The following HYAL2 variants were observed in gnomAD, a reference collection of about 807,000 sequenced individuals.
HYAL2 encodes the protein hyaluronidase-2.
Under a neutral mutation model 35.4 loss-of-function variants are expected in HYAL2, and 30 were observed. The observed-to-expected ratio is 0.85, with a 90% CI of 0.63 to 1.15. HYAL2 has a LOEUF of 1.15. Among genes scored for constraint, HYAL2 ranks in the 50% most tolerant of loss-of-function variants. The pLI is 0.00. For synonymous variants in HYAL2, 262 were observed against 252.8 expected, an observed-to-expected ratio of 1.04 and a Z score of -0.34; for missense variants, 635 against 646.5, an observed-to-expected ratio of 0.98 and a Z score of 0.19.
rs201365993 is a variant in HYAL2 at position 50,320,269 on chromosome 3, T to C, written c.221A>G (p.Asn74Ser). The C allele has an allele frequency of 6.2e-7, 1 of 1,614,068 alleles. No homozygotes were observed. Among genetic ancestry groups the C allele is most frequent in the Non-Finnish European group, 8.5e-7 (1 of 1,180,026 alleles). The change falls in exon 2 of 4, where the codon AAT becomes AGT. Residue 74 changes from asparagine to serine, a missense_variant. Coordinates refer to ENST00000357750, the MANE Select transcript of HYAL2 (RefSeq NM_003773.5). This position sits in a 1 kb window ranked among gnomAD's most constrained non-coding sequence, Gnocchi z 4.8. ...ASPNEGFVNQ[N>S]ITIFYRDRLG... is the part of the protein sequence containing the mutation. ...ACGGTCGCGGTAGAAGATGGTAATA[T>C]TCTGGTTCACAAAACCCTCATTAGG...
rs1702595837 is a variant in HYAL2, at chr3:50,318,096, G to A, written c.*33C>T. The A allele has an allele frequency of 6.5e-7, 1 of 1,530,692 alleles. No homozygotes were observed. The highest frequency in any genetic ancestry group is 8.8e-7 in the Non-Finnish European group (1 of 1,138,358). The allele number at this position is 1,530,692 out of a possible 1,614,324, so 94.8% of individuals were successfully genotyped here. ...TGCCTAAGAGAGCCCTTGTGGTAGA[G>A]GCCAGCTTGCTAGGCAGCTAGGCAG... On this transcript the variant is annotated 3_prime_UTR_variant, in exon 4 of 4. Coordinates refer to ENST00000357750, the MANE Select transcript of HYAL2 (RefSeq NM_003773.5). The surrounding 1 kb of genome is among the most constrained non-coding windows in gnomAD (Gnocchi z 4.5).
In HYAL2 at chr3:50,319,554, C is replaced by G; in HGVS notation, c.921+15G>C. 6.3e-7 allele frequency: 1 copy of G among 1,598,370 alleles called. No individual in the cohort carries two copies. ...CAAGGAAGGAGAAAAAAGGCAGGGCCCTGGAGACACATACCTCACTAAGCC... is the reference window on the plus strand; with the variant it reads ...CAAGGAAGGAGAAAAAAGGCAGGGCGCTGGAGACACATACCTCACTAAGCC... On this transcript the variant is annotated intron_variant, in intron 2 of 3. Transcript: ENST00000357750.
chr3:50,318,892 G>A lies in HYAL2; in HGVS notation c.1011+64C>T. 1 of 1,424,964 alleles carries A rather than the reference G, an allele frequency of 7.0e-7. No homozygotes were observed. The highest frequency in any genetic ancestry group is 2.3e-5 in the East Asian group (1 of 43,770). 88.3% of individuals were successfully genotyped at this position (1,424,964 alleles called of 1,614,324 possible). The stretch of plus-strand genomic sequence containing the variant: ...TAGGATTGCCCACCTGAGGTTGGTA[G>A]CCAAAGGCCCTAACTCTCTGTCTGT... On this transcript the variant is annotated intron_variant, in intron 3 of 3. Coordinates refer to ENST00000357750, the MANE Select transcript of HYAL2 (RefSeq NM_003773.5). This position sits in a 1 kb window ranked among gnomAD's most constrained non-coding sequence, Gnocchi z 4.5.
Position 50,319,803 on chromosome 3 carries a change from A to G in HYAL2, c.687T>C (p.Asp229=), listed in dbSNP as rs1198761381. Residue 229 remains aspartate, a synonymous_variant, in exon 2 of 4, where the codon GAT becomes GAC. Transcript: ENST00000357750. The part of the protein sequence containing the change: ...NWESYTGRCP[D]VEVARNDQLA... ...GCTGGTCATTGCGGGCCACCTCAAC[A>G]TCAGGGCAGCGGCCTGTGTAGCTCT... 1 of 1,613,812 alleles carries G rather than the reference A, an allele frequency of 6.2e-7. No individual in the cohort carries two copies. Among genetic ancestry groups the G allele is most frequent in the Non-Finnish European group, 8.5e-7 (1 of 1,180,030 alleles).
rs200925068 is a variant in HYAL2 at position 50,318,080 on chromosome 3, G to C, written c.*49C>G. On this transcript the variant is annotated 3_prime_UTR_variant, in exon 4 of 4. Transcript: ENST00000357750. The surrounding 1 kb of genome is among the most constrained non-coding windows in gnomAD (Gnocchi z 4.5). The stretch of plus-strand genomic sequence containing the variant: ...CCTGCAGGGTCCTACATGCCTAAGA[G>C]AGCCCTTGTGGTAGAGGCCAGCTTG... The C allele has an allele frequency of 3.9e-6, 6 of 1,519,064 alleles. No homozygotes were observed. Among genetic ancestry groups the C allele is most frequent in the Non-Finnish European group, 5.3e-6 (6 of 1,132,872 alleles). 94.1% of individuals were successfully genotyped at this position (1,519,064 alleles called of 1,614,324 possible).
At chr3:50,319,431 G>A (rs782571151) in intron 2 of HYAL2, 138 bp downstream of exon 2, 139 of 749,080 alleles carry the variant, frequency 1.9e-4, no homozygotes, top group Non-Finnish European at 1.5e-4. Flanking sequence ...ACCCTTTCAG[G>A]TTATAGACAG....
chr3:50,318,349 G>A lies in HYAL2; in HGVS notation c.1202C>T (p.Ala401Val). The change falls in exon 4 of 4, where the codon GCA becomes GTA. Residue 401 changes from alanine (A) to valine (V), a missense_variant. By Grantham distance (64) the Ala-to-Val change is moderately conservative (BLOSUM62 0). Transcript: ENST00000357750. The surrounding 1 kb of genome is among the most constrained non-coding windows in gnomAD (Gnocchi z 4.5). ...TNSFRLVPGHAPGEPQLRPVG... is the reference protein window; with the variant it reads ...TNSFRLVPGHVPGEPQLRPVG... ...AGGTCGCAGCTGGGGTTCACCAGGT[G>A]CATGGCCAGGCACTAGGCGGAAACT... is the stretch of plus-strand genomic sequence containing the variant. 1.2e-6 allele frequency: 2 copies of A among 1,613,476 alleles called. No homozygotes were observed. The highest frequency in any genetic ancestry group is 1.1e-5 in the South Asian group (1 of 91,086).
At chr3:50,319,111 A>G in intron 2 of HYAL2, 66 bp from the exon 3 acceptor site, 1 of 1,181,236 alleles carries the variant, frequency 8.5e-7, no homozygotes, top group Non-Finnish European at 1.2e-6. Context: ...ACAGACAAGG[A>G]GGGCAGACCC....
chr3:50,319,872 G>A lies in HYAL2; in HGVS notation c.618C>T (p.Tyr206=). ...CATGATTGTAGCAGTCAGGAAAGAG[G>A]TAGAAGCCCCAGAGGTGCCGGGGCC... ...AVRPRHLWGF[Y]LFPDCYNHDY... The change falls in exon 2 of 4, where the codon TAC becomes TAT. Residue 206 remains tyrosine, a synonymous_variant. Coordinates refer to ENST00000357750, the MANE Select transcript of HYAL2 (RefSeq NM_003773.5). 4.3e-6 allele frequency: 7 copies of A among 1,613,690 alleles called. No homozygotes were observed. The Admixed American group carries it at 5.0e-5, about 12-fold the overall frequency.
Position 50,320,090 on chromosome 3 carries a change from A to T in HYAL2, c.400T>A (p.Trp134Arg). ...QESAGLAVIDWEDWRPVWVRN... is the reference protein window; with the variant it reads ...QESAGLAVIDREDWRPVWVRN... ...ACCCACACAGGTCGCCAGTCCTCCC[A>T]GTCGATGACCGCCAGCCCCGCAGAC... Residue 134 changes from tryptophan (W) to arginine (R), a missense_variant, in exon 2 of 4, where the codon TGG becomes AGG. Transcript: ENST00000357750. The surrounding 1 kb of genome is among the most constrained non-coding windows in gnomAD (Gnocchi z 4.8). 6.2e-7 allele frequency: 1 copy of T among 1,613,690 alleles called. No individual in the cohort carries two copies. Among genetic ancestry groups the T allele is most frequent in the Non-Finnish European group, 8.5e-7 (1 of 1,180,032 alleles).
At position 50,322,674 on chromosome 3, in the gene HYAL2, C is replaced by T. The variant is rs1553716908; in HGVS notation, c.-68G>A. 1 of 152,252 alleles carries T rather than the reference C, an allele frequency of 6.6e-6. No homozygotes were observed. Among genetic ancestry groups the T allele is most frequent in the African/African-American group, 2.4e-5 (1 of 41,460 alleles). 9.4% of individuals were successfully genotyped at this position (152,252 alleles called of 1,614,324 possible). A position where few individuals can be genotyped will look rare whatever the true frequency, so the allele number is the denominator to read the frequency against. Reference sequence around the variant, plus strand: ...TCACCTGTGTGGGAGTCCGTCGGCCCAGTAGGTCGGTGGCCTCCCTCCTTC... The same window carrying T: ...TCACCTGTGTGGGAGTCCGTCGGCCTAGTAGGTCGGTGGCCTCCCTCCTTC... On this transcript the variant is annotated 5_prime_UTR_variant, in exon 1 of 4. Transcript: ENST00000357750. The surrounding 1 kb of genome is among the most constrained non-coding windows in gnomAD (Gnocchi z 5.5).
rs1553716182 is a variant in HYAL2, at chr3:50,319,692, G to A, written c.798C>T (p.Asn266=). The A allele has an allele frequency of 6.2e-7, 1 of 1,613,958 alleles. No individual in the cohort carries two copies. The highest frequency in any genetic ancestry group is 1.7e-5 in the Admixed American group (1 of 60,026). Residue 266 remains asparagine, a synonymous_variant, in exon 2 of 4, where the codon AAC becomes AAT. Coordinates refer to ENST00000357750, the MANE Select transcript of HYAL2 (RefSeq NM_003773.5). ...CCTCCTGAACACGGAAGCTCACAAA[G>A]TTGCGGCCATGGCGGGAGGAAGCAA... ...ETLASSRHGR[N]FVSFRVQEAL... is the part of the protein sequence containing the mutation.
chr3:50,319,463 G>T, intron 2 of HYAL2, 106 bp downstream of exon 2: 1 of 939,596 alleles, frequency 1.1e-6, no homozygotes, highest in Non-Finnish European at 1.6e-6. Context: ...GGGATGTGGA[G>T]CAGCCAATAA....
At position 50,318,734 on chromosome 3, in the gene HYAL2, G is replaced by T; in HGVS notation, c.1012-195C>A. Reference sequence around the variant, plus strand: ...GGGGGTACAGACCGGAACCCAGTTGGGCAGATGGGGAAGGGCGGAACTCAA... The same window carrying T: ...GGGGGTACAGACCGGAACCCAGTTGTGCAGATGGGGAAGGGCGGAACTCAA... On this transcript the variant is annotated intron_variant, in intron 3 of 3. Coordinates refer to ENST00000357750, the MANE Select transcript of HYAL2 (RefSeq NM_003773.5). The surrounding 1 kb of genome is among the most constrained non-coding windows in gnomAD (Gnocchi z 4.5). 1.5e-6 allele frequency: 1 copy of T among 677,130 alleles called. No individual in the cohort carries two copies. Among genetic ancestry groups the T allele is most frequent in the Non-Finnish European group, 2.5e-6 (1 of 402,178 alleles). The allele number at this position is 677,130 out of a possible 1,614,324, so 41.9% of individuals were successfully genotyped here.
Position 50,320,277 on chromosome 3 carries a change from C to T in HYAL2, c.213G>A (p.Val71=). The T allele has an allele frequency of 1.2e-6, 2 of 1,614,062 alleles. No individual in the cohort carries two copies. The highest frequency in any genetic ancestry group is 1.7e-6 in the Non-Finnish European group (2 of 1,180,032). The change falls in exon 2 of 4, where the codon GTG becomes GTA. Residue 71 remains valine (V), a synonymous_variant. Transcript: ENST00000357750. The surrounding 1 kb of genome is among the most constrained non-coding windows in gnomAD (Gnocchi z 4.8). The part of the protein sequence containing the change: ...DVQASPNEGF[V]NQNITIFYRD... ...GGTAGAAGATGGTAATATTCTGGTTCACAAAACCCTCATTAGGTGAGGCCT... is the reference window on the plus strand; with the variant it reads ...GGTAGAAGATGGTAATATTCTGGTTTACAAAACCCTCATTAGGTGAGGCCT...
At chr3:50,321,265 T>C (rs1702688639) in intron 1 of HYAL2, 1 of 151,952 alleles carries the variant, frequency 6.6e-6, no homozygotes, top group Non-Finnish European at 1.5e-5. Context: ...CCCGGTCGGG[T>C]GGGGGTGGGG....
chr3:50,318,920 C>T lies in HYAL2; in HGVS notation c.1011+36G>A, dbSNP rs1553715993. The T allele has an allele frequency of 6.4e-7, 1 of 1,568,790 alleles. No individual in the cohort carries two copies. The highest frequency in any genetic ancestry group is 1.1e-5 in the South Asian group (1 of 90,174). Reference sequence around the variant, plus strand: ...AAAGGCCCTAACTCTCTGTCTGTCCCATAGACTGAGCTCTGGCAGGCTGGG... The same window carrying T: ...AAAGGCCCTAACTCTCTGTCTGTCCTATAGACTGAGCTCTGGCAGGCTGGG... On this transcript the variant is annotated intron_variant, in intron 3 of 3. Coordinates refer to ENST00000357750, the MANE Select transcript of HYAL2 (RefSeq NM_003773.5). The surrounding 1 kb of genome is among the most constrained non-coding windows in gnomAD (Gnocchi z 4.5).
In HYAL2 at chr3:50,319,911, A is replaced by C. The variant is rs782370234; in HGVS notation, c.579T>G (p.Tyr193Ter). ...GGTGCCGGGGCCGCACTGCCTTGAC[A>C]TAACGCAGTGTCTCCAGCATGAACT... ...AQQFMLETLR[Y>*]VKAVRPRHLW... Residue 193 changes from tyrosine to a stop codon, truncating the protein, a stop_gained, in exon 2 of 4, where the codon TAT becomes TAG. Transcript: ENST00000357750. LOFTEE classifies it high-confidence loss of function. 1 of 1,613,724 alleles carries C rather than the reference A, an allele frequency of 6.2e-7. No homozygotes were observed. Among genetic ancestry groups the C allele is most frequent in the Admixed American group, 1.7e-5 (1 of 60,036 alleles).
At position 50,318,960 on chromosome 3, in the gene HYAL2, C is replaced by T; in HGVS notation, c.1007G>A (p.Ser336Asn). Residue 336 changes from serine (S) to asparagine (N), a missense_variant, in exon 3 of 4, where the codon AGC (serine) becomes AAC (asparagine). Transcript: ENST00000357750. This position sits in a 1 kb window ranked among gnomAD's most constrained non-coding sequence, Gnocchi z 4.5. The stretch of plus-strand genomic sequence containing the variant: ...GGCAGGCTGGGTCTCGCTTACCGTG[C>T]TTGTGGTGTACCCCGCGTCACCCCA... ...ILWGDAGYTTSTETCQYLKDY... is the reference protein window; with the variant it reads ...ILWGDAGYTTNTETCQYLKDY... 6.2e-7 allele frequency: 1 copy of T among 1,613,468 alleles called. No homozygotes were observed. The highest frequency in any genetic ancestry group is 8.5e-7 in the Non-Finnish European group (1 of 1,179,624).
Sources: allele counts gnomAD v4.1 joint callset, GRCh38; gene constraint gnomAD v4.1.1; non-coding constraint Gnocchi (gnomAD v3.1); transcripts MANE v1.5; gene names NCBI Gene and HGNC (gene_info 2026-07-23, HGNC 2026-07-21).